The following CLASP1 variants were observed in gnomAD, a reference collection of about 807,000 sequenced individuals.
CLASP1 encodes the protein CLIP-associating protein 1.
CLASP1 carries 38 observed loss-of-function variants against 192.3 expected under a neutral mutation model. That is an observed-to-expected ratio of 0.20 (90% confidence interval 0.15 to 0.26). CLASP1 has a LOEUF of 0.26. CLASP1 is among the 10% of genes least tolerant of loss of function. CLASP1 has a pLI of 1.00. For synonymous variants in CLASP1, 691 were observed against 712.8 expected, an observed-to-expected ratio of 0.97 and a Z score of 0.49; for missense variants, 1,433 against 1,932.5, an observed-to-expected ratio of 0.74 and a Z score of 4.85.
At chr2:121,443,054 C>A (rs1211012544) in intron 19 of CLASP1, among the ~76,000 whole-genome samples, 6 of 152,186 alleles carry the variant, frequency 3.9e-5, no homozygotes, top group Non-Finnish European at 7.3e-5. Flanking sequence ...TTCAAACTCA[C>A]AGGTCTTTCC....
intron 25 of CLASP1, among the ~76,000 whole-genome samples, chr2:121,405,585 T>C (rs1270845407): frequency 6.6e-6 from 1 of 152,226 alleles, no homozygotes; most frequent in Non-Finnish European, 1.5e-5. Context: ...CCCTCTTACG[T>C]GGATGAGACA....
intron 1 of CLASP1, among the ~76,000 whole-genome samples, chr2:121,610,749 A>AGAG: frequency 9.4e-6 from 1 of 106,370 alleles, no homozygotes; most frequent in Non-Finnish European, 2.0e-5. Flanking sequence ...TGGAGGAGGA[A>AGAG]GAGTTACAGG....
At chr2:121,414,623 A>T (rs1023829406) in intron 23 of CLASP1, among the ~76,000 whole-genome samples, 3 of 152,222 alleles carry the variant, frequency 2.0e-5, no homozygotes, top group South Asian at 4.1e-4. Flanking sequence ...TTTTATCAGT[A>T]TGTGATGCAT....
intron 26 of CLASP1, chr2:121,402,510 G>T: frequency 6.1e-6 from 3 of 493,690 alleles, no homozygotes; most frequent in Non-Finnish European, 1.2e-5. Context: ...AGACAGCTCA[G>T]GAAAAAGTCA....
intron 2 of CLASP1, among the ~76,000 whole-genome samples, chr2:121,589,943 T>C (rs1384505712): frequency 4.6e-5 from 7 of 152,136 alleles, no homozygotes; most frequent in Non-Finnish European, 4.4e-5. Flanking sequence ...CTCCTTCATA[T>C]AGGCATCTCC....
chr2:121,527,728 A>G (rs1287917239), intron 5 of CLASP1, 71 bp downstream of exon 5: 2 of 1,194,046 alleles, frequency 1.7e-6, no homozygotes, highest in Admixed American at 4.1e-5. Flanking sequence ...CTGTAAATCT[A>G]TAATTATTTC....
intron 4 of CLASP1, 34 bp downstream of exon 4, chr2:121,528,643 C>T (rs774412411): frequency 6.3e-7 from 1 of 1,578,666 alleles, no homozygotes. Context: ...CGCGCACTGG[C>T]CAGCTGACCT....
intron 7 of CLASP1, among the ~76,000 whole-genome samples, chr2:121,506,596 A>G (rs2093956861): frequency 1.3e-5 from 2 of 152,186 alleles, no homozygotes; most frequent in South Asian, 2.1e-4. Context: ...GTATATGTGC[A>G]AGGCTGTGCA....
intron 2 of CLASP1, among the ~76,000 whole-genome samples, chr2:121,547,631 G>T (rs988223134): frequency 6.6e-6 from 1 of 152,110 alleles, no homozygotes; most frequent in African/African-American, 2.4e-5. Context: ...GGCAGCTCGG[G>T]AATGCCAAGC....
chr2:121,401,893 C>T lies in CLASP1; in HGVS notation c.2734-23G>A, dbSNP rs527874315. ...TCTCTGTTGTGAATTCCACCGCAAA[C>T]GAGGCCATGCAACAAAACAAATTCC... On this transcript the variant is annotated intron_variant, in intron 26 of 39. Coordinates refer to ENST00000263710, the Ensembl canonical transcript of CLASP1. The T allele has an allele frequency of 4.9e-4, 344 of 699,464 alleles. 5 individuals are homozygous for T. Among genetic ancestry groups the T allele is most frequent in the South Asian group, 4.5e-3 (329 of 72,816 alleles). 43.3% of individuals were successfully genotyped at this position (699,464 alleles called of 1,614,324 possible).
chr2:121,394,228 C>CT (rs1344066384), intron 30 of CLASP1, among the ~76,000 whole-genome samples: 1 of 152,176 alleles, frequency 6.6e-6, no homozygotes, highest in Non-Finnish European at 1.5e-5. Flanking sequence ...AATCAGTTGA[C>CT]TTTGAGTTAA....
intron 1 of CLASP1, among the ~76,000 whole-genome samples, chr2:121,617,335 A>G (rs1333312343): frequency 1.3e-5 from 2 of 152,312 alleles, no homozygotes; most frequent in Admixed American, 1.3e-4. Context: ...CCGCTAGCTC[A>G]TTCCCAGCAG....
chr2:121,416,453 A>G (rs2078597549), intron 23 of CLASP1, among the ~76,000 whole-genome samples: 1 of 152,186 alleles, frequency 6.6e-6, no homozygotes, highest in Non-Finnish European at 1.5e-5. Context: ...ACGTAAGTGG[A>G]TTCAAAGAAG....
intron 34 of CLASP1, among the ~76,000 whole-genome samples, chr2:121,368,687 C>T (rs2067951676): frequency 6.6e-6 from 1 of 152,118 alleles, no homozygotes; most frequent in African/African-American, 2.4e-5. Context: ...ATCTGACTAC[C>T]CAACAACGGT....
intron 2 of CLASP1, among the ~76,000 whole-genome samples, chr2:121,595,619 C>T (rs2063041099): frequency 6.6e-6 from 1 of 152,164 alleles, no homozygotes; most frequent in Non-Finnish European, 1.5e-5. Flanking sequence ...TTGTTTTATA[C>T]CAGTCAGTTT....
chr2:121,426,254 T>C (rs113407253), intron 21 of CLASP1, among the ~76,000 whole-genome samples: 3,196 of 152,042 alleles, frequency 0.021, 115 homozygotes, highest in African/African-American at 0.072. Context: ...CAAAAACAAA[T>C]AGAATAAAAC....
At chr2:121,361,038 G>A (rs2149222421) in intron 37 of CLASP1, among the ~76,000 whole-genome samples, 1 of 152,258 alleles carries the variant, frequency 6.6e-6, no homozygotes, top group East Asian at 1.9e-4. Flanking sequence ...ATACTTCTTA[G>A]GACTCAACTT....
At chr2:121,418,954 G>A (rs548862046) in intron 22 of CLASP1, among the ~76,000 whole-genome samples, 2 of 152,228 alleles carry the variant, frequency 1.3e-5, no homozygotes, top group East Asian at 3.9e-4. Flanking sequence ...AGAAAGCTGT[G>A]AATTTCAGTA....
intron 34 of CLASP1, 44 bp downstream of exon 35, chr2:121,377,455 C>T: frequency 1.4e-6 from 2 of 1,439,748 alleles, no homozygotes; most frequent in Non-Finnish European, 1.9e-6. Context: ...CATTATCTGT[C>T]ATTTAACTCA....
Sources: gnomAD v4.1 joint callset for allele counts (sites outside exome capture counted in the v4.1 genomes callset) on GRCh38, gnomAD v4.1.1 for gene constraint, MANE v1.5 for transcripts, NCBI Gene and HGNC (gene_info 2026-07-23, HGNC 2026-07-21) for gene names.